ABCA13: variants seen among roughly 807,000 people sequenced by gnomAD.
ABCA13 encodes ATP binding cassette subfamily A member 13.
Under a neutral mutation model 478.7 loss-of-function variants are expected in ABCA13, and 476 were observed. The observed-to-expected ratio is 0.99, with a 90% confidence interval of 0.92 to 1.07. ABCA13 has a LOEUF of 1.07. ABCA13 is among the 50% of genes least tolerant of loss of function. ABCA13 has a pLI of 0.00. For missense variants in ABCA13, 6,060 were observed against 5,910.6 expected (o/e 1.03, Z -0.83); for synonymous variants, 2,252 against 2,158.9 (o/e 1.04, Z -1.20).
intron 34 of ABCA13, among the ~76,000 whole-genome samples, chr7:48,375,698 A>G (rs996574959): frequency 1.3e-5 from 2 of 152,146 alleles, no homozygotes; most frequent in African/African-American, 4.8e-5. Flanking sequence ...TAGCCAGTTA[A>G]TTTGTACTGG....
At chr7:48,318,518 T>C (rs1161315552) in intron 27 of ABCA13, among the ~76,000 whole-genome samples, 2 of 151,032 alleles carry the variant, frequency 1.3e-5, no homozygotes, top group Non-Finnish European at 3.0e-5. Flanking sequence ...TAGTTTTTTT[T>C]TTTTTTTGTA....
chr7:48,567,834 A>T (rs574687836), intron 55 of ABCA13, among the ~76,000 whole-genome samples: 2 of 152,204 alleles, frequency 1.3e-5, no homozygotes, highest in East Asian at 3.9e-4. Context: ...ATATTTTTAC[A>T]TGAGCGATTT....
At chr7:48,246,090 A>T in intron 13 of ABCA13, 60 bp downstream of exon 13, 1 of 1,537,706 alleles carries the variant, frequency 6.5e-7, no homozygotes, top group Non-Finnish European at 8.8e-7. Context: ...AATTCACCAA[A>T]GATGCTAATA....
chr7:48,375,615 T>TGG (rs200136094), intron 34 of ABCA13, among the ~76,000 whole-genome samples: 68 of 150,508 alleles, frequency 4.5e-4, no homozygotes, highest in South Asian at 3.8e-3. Context: ...TGGTTTTTTT[T>TGG]GGGGGGGGGT....
At position 48,550,024 on chromosome 7, in the gene ABCA13, C is replaced by G. The variant is rs553406412; in HGVS notation, c.14354+21679C>G. ...CCATTCTTTAGGTTCCCTGTTCAGT[C>G]TGATGCTAGTTTCTTTTGCTGTGCA... is the stretch of plus-strand genomic sequence containing the variant. On this transcript the variant is annotated intron_variant, in intron 55 of 61. Coordinates refer to ENST00000435803, the MANE Select transcript of ABCA13 (RefSeq NM_152701.5). Among the ~76,000 whole-genome samples the G allele has an allele frequency of 2.4e-4, 36 of 151,952 alleles. 1 individual carries two copies. In the South Asian group the frequency reaches 5.0e-3, roughly 21 times the overall value.
chr7:48,479,991 T>G (rs1828588388), intron 45 of ABCA13, among the ~76,000 whole-genome samples: 1 of 152,194 alleles, frequency 6.6e-6, no homozygotes, highest in Admixed American at 6.5e-5. Flanking sequence ...AGAAGTAATA[T>G]TTATGGATTT....
chr7:48,395,690 A>G (rs1438798278), intron 38 of ABCA13, among the ~76,000 whole-genome samples: 1 of 152,194 alleles, frequency 6.6e-6, no homozygotes, highest in Non-Finnish European at 1.5e-5. Flanking sequence ...TAGTTAGACA[A>G]TAGTAAATAT....
In ABCA13 at chr7:48,372,425, G is replaced by A. The variant is rs1289153134; in HGVS notation, c.11061G>A (p.Met3687Ile). The part of the protein sequence containing the change: ...TAALCTSLVY[M>I]ISFLPYIVLL... ...CCCTTTGTACCAGCCTGGTGTACAT[G>A]ATCAGCTTTCTGCCCTACATAGTTC... is the stretch of plus-strand genomic sequence containing the variant. The change falls in exon 33 of 62, where the codon ATG (methionine) becomes ATA (isoleucine). Residue 3687 changes from methionine to isoleucine, a missense_variant. Around this residue, in one of 3 missense-constraint regions of ABCA13, gnomAD observed 4,423 missense variants for 4,309.1 expected, o/e 1.03. Transcript: ENST00000435803. The A allele has an allele frequency of 6.2e-7, 1 of 1,612,976 alleles. No individual in the cohort carries two copies. Among genetic ancestry groups the A allele is most frequent in the Non-Finnish European group, 8.5e-7 (1 of 1,179,730 alleles).
intron 10 of ABCA13, among the ~76,000 whole-genome samples, chr7:48,243,690 C>T (rs1407416909): frequency 1.3e-5 from 2 of 152,194 alleles, no homozygotes; most frequent in African/African-American, 4.8e-5. Flanking sequence ...TGTGTTCAAC[C>T]CCAAACTATC....
chr7:48,492,372 C>T (rs914017878), intron 48 of ABCA13, among the ~76,000 whole-genome samples: 5 of 152,186 alleles, frequency 3.3e-5, no homozygotes, highest in Non-Finnish European at 7.3e-5. Flanking sequence ...TACTCACCAC[C>T]CCTGCAGGAT....
chr7:48,355,862 A>G (rs543472991), intron 31 of ABCA13, among the ~76,000 whole-genome samples: 3 of 152,156 alleles, frequency 2.0e-5, no homozygotes, highest in African/African-American at 7.2e-5. Context: ...ATAGAAACTC[A>G]GCTTTGGACA....
intron 15 of ABCA13, among the ~76,000 whole-genome samples, chr7:48,258,705 G>C (rs1793750445): frequency 6.6e-6 from 1 of 152,034 alleles, no homozygotes; most frequent in African/African-American, 2.4e-5. Context: ...TGTGATGTTA[G>C]GTTATGAATT....
chr7:48,481,176 G>T (rs759531385), intron 46 of ABCA13, 22 bp downstream of exon 46: 7 of 1,506,838 alleles, frequency 4.6e-6, no homozygotes, highest in Admixed American at 1.9e-5. Context: ...ACTCTTGTTG[G>T]GTCTTTACTT....
chr7:48,425,766 G>T (rs796596850), intron 41 of ABCA13, among the ~76,000 whole-genome samples: 6 of 133,194 alleles, frequency 4.5e-5, no homozygotes, highest in African/African-American at 1.5e-4. Flanking sequence ...TTTTCGAGAT[G>T]GAGTCTCGCT....
chr7:48,503,486 T>A (rs1830934060), intron 48 of ABCA13, among the ~76,000 whole-genome samples: 1 of 152,212 alleles, frequency 6.6e-6, no homozygotes, highest in African/African-American at 2.4e-5. Context: ...TACTCTCTCT[T>A]TCTGTGAATT....
intron 55 of ABCA13, 105 bp from the exon 56 acceptor site, chr7:48,580,119 T>C: frequency 8.2e-7 from 1 of 1,219,912 alleles, no homozygotes; most frequent in South Asian, 1.8e-5. Context: ...CTAATTGTTT[T>C]AAATAAACTG....
chr7:48,530,161 T>TA (rs892010843), intron 55 of ABCA13, among the ~76,000 whole-genome samples: 26 of 152,152 alleles, frequency 1.7e-4, no homozygotes, highest in African/African-American at 6.3e-4. Context: ...TAGCTTAACT[T>TA]ACAATTATAG....
At chr7:48,410,299 A>G (rs999576931) in intron 39 of ABCA13, among the ~76,000 whole-genome samples, 1 of 152,042 alleles carries the variant, frequency 6.6e-6, no homozygotes, top group Non-Finnish European at 1.5e-5. Flanking sequence ...ACTTTTGTTC[A>G]TGGGGGTGGG....
intron 39 of ABCA13, among the ~76,000 whole-genome samples, chr7:48,408,992 G>A (rs1229651861): frequency 6.6e-6 from 1 of 152,148 alleles, no homozygotes; most frequent in Non-Finnish European, 1.5e-5. Context: ...ATGGCCTTGA[G>A]CTCCATCTAC....
Sources: allele counts gnomAD v4.1 joint callset (sites outside exome capture counted in the v4.1 genomes callset), GRCh38; gene constraint gnomAD v4.1.1; regional missense constraint gnomAD v4.1.1; transcripts MANE v1.5; gene names NCBI Gene and HGNC (gene_info 2026-07-23, HGNC 2026-07-21).